Variants in UBE2Q1 observed in about 807,000 individuals in gnomAD.
The protein encoded by UBE2Q1 is ubiquitin-conjugating enzyme E2 Q1.
Under a neutral mutation model 60.1 loss-of-function variants are expected in UBE2Q1, and 6 were observed. The ratio of observed to expected loss-of-function variants is 0.10; its 90% CI spans 0.05 to 0.20. The LOEUF (loss-of-function observed/expected upper bound fraction) is 0.20, where lower values mean the gene tolerates loss of function less well. Ranked by LOEUF, UBE2Q1 falls within the 10% of genes least tolerant of loss-of-function variation. UBE2Q1 has a pLI of 1.00. For missense variants in UBE2Q1, 262 were observed against 525.8 expected (o/e 0.50, Z 4.91); for synonymous variants, 226 against 208.3 (o/e 1.09, Z -0.73).
At chr1:154,554,694 C>A in intron 4 of UBE2Q1, 41 bp downstream of exon 4, 1 of 1,606,900 alleles carries the variant, frequency 6.2e-7, no homozygotes, top group African/African-American at 1.3e-5. Flanking sequence ...TTGCTGACTG[C>A]AAGAGCTTCC....
Position 154,555,411 on chromosome 1 carries a change from G to C in UBE2Q1, c.537+17C>G, listed in dbSNP as rs1016213621. 6.2e-7 allele frequency: 1 copy of C among 1,610,738 alleles called. No individual in the cohort carries two copies. Among genetic ancestry groups the C allele is most frequent in the Admixed American group, 1.7e-5 (1 of 60,028 alleles). On this transcript the variant is annotated intron_variant, in intron 3 of 12. Coordinates refer to ENST00000292211, the MANE Select transcript of UBE2Q1 (RefSeq NM_017582.7). ...GCAACTCTGCACAACAGGGCCCGAGGCTCCTCAGCTGCTCACCTGCTCTGC... is the reference window on the plus strand; with the variant it reads ...GCAACTCTGCACAACAGGGCCCGAGCCTCCTCAGCTGCTCACCTGCTCTGC...
intron 2 of UBE2Q1, 31 bp downstream of exon 2, chr1:154,555,829 A>G (rs1438996542): frequency 4.4e-6 from 7 of 1,603,048 alleles, no homozygotes; most frequent in Non-Finnish European, 6.0e-6. Flanking sequence ...TCATAAGAAC[A>G]AAATGTACCC....
Position 154,550,266 on chromosome 1 carries a change from T to C in UBE2Q1, c.*172A>G, listed in dbSNP as rs1181026107. ...AGTACTTGAAACAGTTCTGTGTTTG[T>C]TTTTTTTCCTTAGCGTTTAGAATAG... On this transcript the variant is annotated 3_prime_UTR_variant, in exon 13 of 13. Coordinates refer to ENST00000292211, the MANE Select transcript of UBE2Q1 (RefSeq NM_017582.7). The C allele has an allele frequency of 4.4e-6, 4 of 910,232 alleles. No individual in the cohort carries two copies. Among genetic ancestry groups the C allele is most frequent in the Non-Finnish European group, 6.8e-6 (4 of 586,962 alleles). The allele number at this position is 910,232 out of a possible 1,614,324, so 56.4% of individuals were successfully genotyped here. A position where few individuals can be genotyped will look rare whatever the true frequency, so the allele number is the denominator to read the frequency against.
intron 1 of UBE2Q1, among the ~76,000 whole-genome samples, chr1:154,556,181 G>A (rs574425955): frequency 3.3e-5 from 5 of 150,438 alleles, no homozygotes; most frequent in South Asian, 2.1e-4. Flanking sequence ...GACCCTTTCC[G>A]AGAAGCAGAC....
intron 10 of UBE2Q1, 93 bp downstream of exon 10, chr1:154,551,678 C>G: frequency 6.4e-7 from 1 of 1,560,252 alleles, no homozygotes; most frequent in Non-Finnish European, 8.8e-7. Flanking sequence ...AGGGCCACAT[C>G]ATGTCTATCA....
At chr1:154,552,972 ACT>A in intron 5 of UBE2Q1, 58 bp downstream of exon 5, 1 of 1,606,306 alleles carries the variant, frequency 6.2e-7, no homozygotes, top group African/African-American at 1.3e-5. Flanking sequence ...GCGATGGCCT[ACT>A]ACTTCCCAGC....
chr1:154,553,425 A>G (rs1444111879), intron 4 of UBE2Q1, among the ~76,000 whole-genome samples: 1 of 152,242 alleles, frequency 6.6e-6, no homozygotes, highest in Non-Finnish European at 1.5e-5. Context: ...TGCAGCTGAG[A>G]TCGAGGCAGG....
In UBE2Q1 at chr1:154,552,373, C is replaced by T. The variant is rs573303733; in HGVS notation, c.875+31G>A. ...TAGCCCCACTCACACTCCTCCTCAA[C>T]TTCCTCTCCAATCCCAGAGTCCCCA... On this transcript the variant is annotated intron_variant, in intron 7 of 12. Coordinates refer to ENST00000292211, the MANE Select transcript of UBE2Q1 (RefSeq NM_017582.7). 2.2e-5 allele frequency: 35 copies of T among 1,613,374 alleles called. No homozygotes were observed. In the East Asian group the frequency reaches 6.5e-4, roughly 30 times the overall value.
intron 4 of UBE2Q1, among the ~76,000 whole-genome samples, chr1:154,554,359 T>A (rs1032208750): frequency 6.6e-6 from 1 of 152,248 alleles, no homozygotes; most frequent in African/African-American, 2.4e-5. Flanking sequence ...TAACACCTCA[T>A]TTAATCTCAA....
At chr1:154,550,847 A>G (rs1466588563) in intron 12 of UBE2Q1, 91 bp downstream of exon 12, 2 of 1,606,614 alleles carry the variant, frequency 1.2e-6, no homozygotes, top group East Asian at 2.2e-5. Flanking sequence ...AGTATCAGAA[A>G]CCAAAAGAAG....
At position 154,552,763 on chromosome 1, in the gene UBE2Q1, T is replaced by C. The variant is rs1274387760; in HGVS notation, c.787A>G (p.Ile263Val). 1 of 1,614,230 alleles carries C rather than the reference T, an allele frequency of 6.2e-7. No individual in the cohort carries two copies. Among genetic ancestry groups the C allele is most frequent in the South Asian group, 1.1e-5 (1 of 91,086 alleles). Residue 263 changes from isoleucine to valine, a missense_variant, in exon 6 of 13, where the codon ATA becomes GTA. Ile to Val is a conservative substitution (Grantham distance 29). Transcript: ENST00000292211. ...CCTTTGAAACTCTGTGATCGGTATA[T>C]ATCCCTGAGCTCCTTCATCAGCCGG... ...TDRLMKELRD[I>V]YRSQSFKGGN...
intron 10 of UBE2Q1, 130 bp from the exon 11 acceptor site, chr1:154,551,622 C>T: frequency 7.0e-7 from 1 of 1,435,132 alleles, no homozygotes; most frequent in Non-Finnish European, 9.8e-7. Context: ...CTGCCACCAC[C>T]TGTCTGTCTA....
chr1:154,558,122 A>G (rs1695923915), intron 1 of UBE2Q1, 105 bp downstream of exon 1: 2 of 901,284 alleles, frequency 2.2e-6, no homozygotes, highest in Admixed American at 3.5e-5. Context: ...GAGCCCTGAG[A>G]GGGGCTTCGG....
rs11542156 is a variant in UBE2Q1 at position 154,550,325 on chromosome 1, G to T, written c.*113C>A. ...GTCCTGCAATAGGCAGAGCTATCAC[G>T]TCCAGGAAAAATGAGGGAGGGAACC... On this transcript the variant is annotated 3_prime_UTR_variant, in exon 13 of 13. Coordinates refer to ENST00000292211, the MANE Select transcript of UBE2Q1 (RefSeq NM_017582.7). 5.0e-6 allele frequency: 7 copies of T among 1,400,610 alleles called. No individual in the cohort carries two copies. The highest frequency in any genetic ancestry group is 7.0e-6 in the Non-Finnish European group (7 of 997,570). The allele number at this position is 1,400,610 out of a possible 1,614,324, so 86.8% of individuals were successfully genotyped here. A position where few individuals can be genotyped will look rare whatever the true frequency, so the allele number is the denominator to read the frequency against.
chr1:154,548,660 G>A lies in UBE2Q1; in HGVS notation c.*1778C>T, dbSNP rs1343461963. 1 of 152,646 alleles carries A rather than the reference G, an allele frequency of 6.6e-6. No individual in the cohort carries two copies. The highest frequency in any genetic ancestry group is 1.5e-5 in the Non-Finnish European group (1 of 68,048). The allele number at this position is 152,646 out of a possible 1,614,324, so 9.5% of individuals were successfully genotyped here. On this transcript the variant is annotated 3_prime_UTR_variant, in exon 13 of 13. Transcript: ENST00000292211. ...TACATTATACAGAAGACAGCTCACAGTACACATTACTAAAAACACAATCTA... is the reference window on the plus strand; with the variant it reads ...TACATTATACAGAAGACAGCTCACAATACACATTACTAAAAACACAATCTA...
At chr1:154,551,163 C>T in intron 11 of UBE2Q1, 159 bp from the exon 12 acceptor site, 10 of 912,560 alleles carry the variant, frequency 1.1e-5, no homozygotes, top group Admixed American at 2.3e-5. Context: ...CCCTTGGAGG[C>T]ATAATCCCAT....
chr1:154,551,321 C>A, intron 11 of UBE2Q1, 76 bp downstream of exon 11: 1 of 1,480,150 alleles, frequency 6.8e-7, no homozygotes. Flanking sequence ...CTAAAGAAGG[C>A]AGCCTTGGCC....
chr1:154,551,981 T>TGA lies in UBE2Q1; in HGVS notation c.967-4_967-3dup, dbSNP rs757287266. On this transcript the variant is annotated splice_region_variant and splice_polypyrimidine_tract_variant and intron_variant, in intron 8 of 12. Coordinates refer to ENST00000292211, the MANE Select transcript of UBE2Q1 (RefSeq NM_017582.7). Reference sequence around the variant, plus strand: ...TGGTGGGTCAAAGGGAAAGTTATCCTGAGAGAGAGAGAGACGACAATCAGG... The same window carrying TGA: ...TGGTGGGTCAAAGGGAAAGTTATCCTGAGAGAGAGAGAGAGACGACAATCAGG... 151 of 1,611,350 alleles carry TGA rather than the reference T, an allele frequency of 9.4e-5. No individual in the cohort carries two copies. The highest frequency in any genetic ancestry group is 3.3e-4 in the Middle Eastern group (2 of 6,060).
chr1:154,555,729 A>G, intron 2 of UBE2Q1, 131 bp downstream of exon 2: 3 of 937,692 alleles, frequency 3.2e-6, no homozygotes, highest in Non-Finnish European at 4.9e-6. Context: ...TCAGTAAGCA[A>G]CTCCCCCGAG....
Sources: gnomAD v4.1 joint callset for allele counts (sites outside exome capture counted in the v4.1 genomes callset) on GRCh38, gnomAD v4.1.1 for gene constraint, MANE v1.5 for transcripts, NCBI Gene and HGNC (gene_info 2026-07-23, HGNC 2026-07-21) for gene names.